CRADD: variants seen among roughly 807,000 people sequenced by gnomAD.
CRADD encodes the protein death domain-containing protein CRADD.
A neutral mutation model predicts 15.5 loss-of-function variants in CRADD; 9 were observed. The ratio of observed to expected loss-of-function variants is 0.58; its 90% CI spans 0.35 to 1.01. The LOEUF is 1.01. Ranked by LOEUF, CRADD falls within the 50% of genes least tolerant of loss-of-function variation. The pLI is 0.02. For synonymous variants in CRADD, 118 were observed against 107.6 expected (o/e 1.10, Z -0.60); for missense variants, 227 against 250.3 (o/e 0.91, Z 0.63).
chr12:93,716,403 A>G (rs555765067), intron 2 of CRADD, among the ~76,000 whole-genome samples: 1 of 152,254 alleles, frequency 6.6e-6, no homozygotes, highest in South Asian at 2.1e-4. Flanking sequence ...TCCATAGTTT[A>G]CCTTAGGGTT....
intron 2 of CRADD, among the ~76,000 whole-genome samples, chr12:93,703,359 C>CTT (rs34708379): frequency 6.7e-4 from 91 of 136,516 alleles, no homozygotes; most frequent in African/African-American, 2.3e-3. Context: ...TTTTCTTTTT[C>CTT]TTTTTTTTTT....
At chr12:93,743,852 A>T in intron 2 of CRADD, among the ~76,000 whole-genome samples, 1 of 151,882 alleles carries the variant, frequency 6.6e-6, no homozygotes, top group East Asian at 1.9e-4. Context: ...ATTTTTTTTT[A>T]TTTTAAAAAT....
intron 2 of CRADD, among the ~76,000 whole-genome samples, chr12:93,680,199 G>GA (rs59272459): frequency 0.01 from 1,486 of 147,882 alleles, 25 homozygotes; most frequent in African/African-American, 0.028. Context: ...ATTAAAAATT[G>GA]AAAAAAAAAA....
rs1258416347 is a variant in CRADD, at chr12:93,824,373, G to T, written c.299-25597G>T. 6.6e-6 allele frequency among the ~76,000 whole-genome samples: 1 copy of T among 151,668 alleles called. No individual in the cohort carries two copies. The highest frequency in any genetic ancestry group is 1.5e-5 in the Non-Finnish European group (1 of 67,986). On this transcript the variant is annotated intron_variant, in intron 2 of 2. Coordinates refer to ENST00000332896, the MANE Select transcript of CRADD (RefSeq NM_003805.5). The surrounding 1 kb of genome is among the most constrained non-coding windows in gnomAD (Gnocchi z 4.3). ...GCACTTCAATTTTCTAACCATAAAAGCTGCTTCTGTGCTCTTTGGAAAACA... is the reference window on the plus strand; with the variant it reads ...GCACTTCAATTTTCTAACCATAAAATCTGCTTCTGTGCTCTTTGGAAAACA...
downstream of CRADD, among the ~76,000 whole-genome samples, chr12:93,853,485 A>C (rs900926211): frequency 1.5e-4 from 23 of 152,380 alleles, no homozygotes; most frequent in African/African-American, 5.3e-4. Context: ...GCTACTAAAA[A>C]GATGACAATA....
chr12:93,740,519 G>T (rs1340969900), intron 2 of CRADD, among the ~76,000 whole-genome samples: 3 of 152,020 alleles, frequency 2.0e-5, no homozygotes, highest in Admixed American at 6.5e-5. Context: ...AAAATTTAAA[G>T]AAACTATCTT....
chr12:93,834,127 C>T (rs1957947186), intron 2 of CRADD, among the ~76,000 whole-genome samples: 2 of 152,228 alleles, frequency 1.3e-5, no homozygotes, highest in Admixed American at 6.5e-5. Flanking sequence ...AGGCACAGCC[C>T]TTACCCCCAT....
intron 2 of CRADD, chr12:93,738,783 C>A: frequency 4.5e-6 from 1 of 222,808 alleles, no homozygotes; most frequent in Non-Finnish European, 8.6e-6. Flanking sequence ...AAGTCACAAA[C>A]TCTGACTAGA....
At chr12:93,834,697 A>G (rs1843533) in intron 2 of CRADD, among the ~76,000 whole-genome samples, 19,054 of 152,256 alleles carry the variant, frequency 0.13, 1,281 homozygotes, top group Middle Eastern at 0.23. Context: ...CATGTTGGTC[A>G]GGCTAGTCTC....
chr12:93,885,737 C>A (rs1958532201), intron 2 of CRADD, among the ~76,000 whole-genome samples: 1 of 152,158 alleles, frequency 6.6e-6, no homozygotes, highest in South Asian at 2.1e-4. Context: ...AAGATCCTAA[C>A]TATGAAAGAT....
chr12:93,685,707 A>G (rs73357725), intron 2 of CRADD, among the ~76,000 whole-genome samples: 1 of 152,214 alleles, frequency 6.6e-6, no homozygotes, highest in African/African-American at 2.4e-5. Flanking sequence ...CTATAAAAAA[A>G]TAGGCCAGGC....
chr12:93,768,426 C>T (rs990949224), intron 2 of CRADD, among the ~76,000 whole-genome samples: 13 of 150,736 alleles, frequency 8.6e-5, no homozygotes, highest in Non-Finnish European at 1.8e-4. Context: ...ATGTGGAATT[C>T]TAGCCAGCAA....
intron 2 of CRADD, among the ~76,000 whole-genome samples, chr12:93,811,966 T>C (rs998932915): frequency 1.3e-5 from 2 of 152,168 alleles, no homozygotes; most frequent in Non-Finnish European, 2.9e-5. Flanking sequence ...AGAAATGAGC[T>C]GTCAAGCCAT....
chr12:93,837,875 T>G (rs1034930486), intron 2 of CRADD: 1 of 152,208 alleles, frequency 6.6e-6, no homozygotes, highest in African/African-American at 2.4e-5. Flanking sequence ...CAGATTCAAA[T>G]TTATACTACC....
chr12:93,764,933 A>G (rs1957010824), intron 2 of CRADD, among the ~76,000 whole-genome samples: 1 of 151,886 alleles, frequency 6.6e-6, no homozygotes, highest in Non-Finnish European at 1.5e-5. Context: ...CCAGTTTTGA[A>G]TTATTTGGGG....
chr12:93,688,751 T>G (rs903148223), intron 2 of CRADD, among the ~76,000 whole-genome samples: 1 of 152,132 alleles, frequency 6.6e-6, no homozygotes, highest in African/African-American at 2.4e-5. Context: ...CAACATAAAG[T>G]CAAATTTCAC....
chr12:93,756,301 T>G (rs930203656), intron 2 of CRADD, among the ~76,000 whole-genome samples: 3 of 152,214 alleles, frequency 2.0e-5, no homozygotes, highest in Non-Finnish European at 4.4e-5. Context: ...TGTTAGTGAA[T>G]GTTGGGAATG....
intron 2 of CRADD, among the ~76,000 whole-genome samples, chr12:93,701,946 T>C (rs912465651): frequency 1.1e-4 from 16 of 152,220 alleles, no homozygotes; most frequent in African/African-American, 3.9e-4. Flanking sequence ...TTCCACATTC[T>C]CCTCATCTGG....
chr12:93,803,030 ATTGT>A (rs1171275820), intron 2 of CRADD, among the ~76,000 whole-genome samples: 1 of 152,200 alleles, frequency 6.6e-6, no homozygotes, highest in Non-Finnish European at 1.5e-5. Context: ...ATCAATGATA[ATTGT>A]TTGAGATTGA....
Sources: gnomAD v4.1 joint callset for allele counts (sites outside exome capture counted in the v4.1 genomes callset) on GRCh38, gnomAD v4.1.1 for gene constraint, Gnocchi (gnomAD v3.1) non-coding constraint, MANE v1.5 for transcripts, NCBI Gene and HGNC (gene_info 2026-07-23, HGNC 2026-07-21) for gene names.